Variants in GLRA3 observed in about 807,000 individuals in gnomAD.
GLRA3 encodes the protein glycine receptor alpha 3.
Under a neutral mutation model 60.4 loss-of-function variants are expected in GLRA3, and 44 were observed. The ratio of observed to expected loss-of-function variants is 0.73; its 90% CI spans 0.57 to 0.94. The LOEUF (loss-of-function observed/expected upper bound fraction) is 0.94. GLRA3 is among the 40% of genes least tolerant of loss of function. The pLI is 0.00. For synonymous variants in GLRA3, 223 were observed against 192.9 expected, an observed-to-expected ratio of 1.16 and a Z score of -1.29; for missense variants, 508 against 564.6, an observed-to-expected ratio of 0.90 and a Z score of 1.02.
At chr4:174,824,793 T>C (rs1353556795) in intron 1 of GLRA3, among the ~76,000 whole-genome samples, 2 of 152,180 alleles carry the variant, frequency 1.3e-5, no homozygotes, top group African/African-American at 4.8e-5. Context: ...ATCTGTACTT[T>C]TTTCTTTTGA....
intron 1 of GLRA3, among the ~76,000 whole-genome samples, chr4:174,817,707 A>T (rs2111387899): frequency 6.6e-6 from 1 of 152,248 alleles, no homozygotes; most frequent in African/African-American, 2.4e-5. Flanking sequence ...TCCTGGTTCA[A>T]GCAATTCTCC....
intron 5 of GLRA3, among the ~76,000 whole-genome samples, chr4:174,694,796 T>C (rs1311685549): frequency 6.6e-6 from 1 of 151,956 alleles, no homozygotes; most frequent in Admixed American, 6.6e-5. Flanking sequence ...GAGTTGTTTT[T>C]TTGAAAACAT....
intron 1 of GLRA3, among the ~76,000 whole-genome samples, chr4:174,809,503 C>T (rs1740178731): frequency 6.6e-6 from 1 of 152,136 alleles, no homozygotes; most frequent in African/African-American, 2.4e-5. Flanking sequence ...GAAGCCAAAG[C>T]AGGTGGATCA....
At chr4:174,733,458 G>C (rs992963012) in intron 3 of GLRA3, among the ~76,000 whole-genome samples, 2 of 152,104 alleles carry the variant, frequency 1.3e-5, no homozygotes, top group Non-Finnish European at 2.9e-5. Context: ...AAATTTCAAA[G>C]ATAGCAAAGG....
Position 174,642,598 on chromosome 4 carries a change from A to G in GLRA3, c.*1188T>C, listed in dbSNP as rs1271443610. The G allele has an allele frequency of 1.1e-6, 1 of 948,520 alleles. No individual in the cohort carries two copies. Among genetic ancestry groups the G allele is most frequent in the Non-Finnish European group, 1.3e-6 (1 of 796,462 alleles). The allele number at this position is 948,520 out of a possible 1,614,324, so 58.8% of individuals were successfully genotyped here. A position where few individuals can be genotyped will look rare whatever the true frequency, so the allele number is the denominator to read the frequency against. On this transcript the variant is annotated 3_prime_UTR_variant, in exon 10 of 10. Transcript: ENST00000274093. ...AGTAATCCCATGGGGTCATTGAAAA[A>G]TTTTATGTAAAAATTTCATTTAAAA... is the stretch of plus-strand genomic sequence containing the variant.
intron 5 of GLRA3, among the ~76,000 whole-genome samples, chr4:174,699,119 A>T (rs1187761896): frequency 6.6e-6 from 1 of 151,196 alleles, no homozygotes; most frequent in African/African-American, 2.4e-5. Context: ...TGTCTCGGCC[A>T]CCTGAGCAAC....
At chr4:174,810,883 C>T (rs1167623269) in intron 1 of GLRA3, among the ~76,000 whole-genome samples, 1 of 152,108 alleles carries the variant, frequency 6.6e-6, no homozygotes, top group Non-Finnish European at 1.5e-5. Context: ...CGTGAAATAG[C>T]AGTTGATTTC....
chr4:174,748,394 C>G (rs1236994717), intron 3 of GLRA3, among the ~76,000 whole-genome samples: 1 of 152,084 alleles, frequency 6.6e-6, no homozygotes, highest in Non-Finnish European at 1.5e-5. Context: ...CAGGTACAAC[C>G]ATTTAAAGTA....
chr4:174,682,988 AG>A (rs1734414498), intron 5 of GLRA3, 49 bp from the exon 6 acceptor site: 1 of 1,489,424 alleles, frequency 6.7e-7, no homozygotes, highest in Non-Finnish European at 9.3e-7. Context: ...GGGCATTCAA[AG>A]AAAAGAAATG....
intron 1 of GLRA3, among the ~76,000 whole-genome samples, chr4:174,815,955 A>T (rs183967152): frequency 6.6e-6 from 1 of 152,254 alleles, no homozygotes; most frequent in Non-Finnish European, 1.5e-5. Flanking sequence ...TTTCCGTGGC[A>T]TCATCAGGCT....
chr4:174,739,897 C>T (rs1187515570), intron 3 of GLRA3, among the ~76,000 whole-genome samples: 2 of 152,082 alleles, frequency 1.3e-5, no homozygotes, highest in Non-Finnish European at 2.9e-5. Flanking sequence ...TTCCCAGGCT[C>T]CAGAATTGCT....
At chr4:174,810,500 A>C (rs1740219449) in intron 1 of GLRA3, among the ~76,000 whole-genome samples, 1 of 151,890 alleles carries the variant, frequency 6.6e-6, no homozygotes, top group Non-Finnish European at 1.5e-5. Flanking sequence ...AAATATATAA[A>C]ATATAATCTG....
intron 5 of GLRA3, among the ~76,000 whole-genome samples, chr4:174,691,817 A>G (rs1278156076): frequency 2.6e-5 from 4 of 151,680 alleles, no homozygotes; most frequent in Admixed American, 6.6e-5. Flanking sequence ...CCGCCACCCC[A>G]TCTGGGAAGT....
In GLRA3 at chr4:174,677,269, G is replaced by A. The variant is rs201620617; in HGVS notation, c.736C>T (p.Arg246Ter). ...NTGKFTCIEV[R>*]FHLERQMGYY... Reference sequence around the variant, plus strand: ...CCCATTTGTCGCTCCAGATGGAATCGCACTTCTATACACGTAAACTTTCCT... The same window carrying A: ...CCCATTTGTCGCTCCAGATGGAATCACACTTCTATACACGTAAACTTTCCT... The change falls in exon 7 of 10, where the codon CGA (arginine) becomes TGA (stop). Residue 246 changes from arginine to a stop codon, truncating the protein, a stop_gained. Coordinates refer to ENST00000274093, the MANE Select transcript of GLRA3 (RefSeq NM_006529.4). LOFTEE classifies it high-confidence loss of function. 35 of 1,607,542 alleles carry A rather than the reference G, an allele frequency of 2.2e-5. No individual in the cohort carries two copies. The highest frequency in any genetic ancestry group is 3.3e-5 in the Admixed American group (2 of 59,960).
At chr4:174,689,970 G>A (rs997868652) in intron 5 of GLRA3, among the ~76,000 whole-genome samples, 2 of 151,870 alleles carry the variant, frequency 1.3e-5, no homozygotes, top group Non-Finnish European at 2.9e-5. Context: ...TGGATGACTA[G>A]ATAAAGAAAA....
intron 1 of GLRA3, among the ~76,000 whole-genome samples, chr4:174,805,005 C>T (rs114222328): frequency 2.1e-3 from 325 of 152,272 alleles, no homozygotes; most frequent in Admixed American, 3.5e-3. Flanking sequence ...TTGAACATAC[C>T]TGGCTTCCAG....
In GLRA3 at chr4:174,728,641, T is replaced by G. The variant is rs1163138234; in HGVS notation, c.325A>C (p.Ser109Arg). Residue 109 changes from serine (S) to arginine (R), a missense_variant, in exon 4 of 10, where the codon AGT becomes CGT. Coordinates refer to ENST00000274093, the MANE Select transcript of GLRA3 (RefSeq NM_006529.4). ...TCTAAAGAGTCGTCAGGATATTCAC[T>G]GTACGCGAGGCGGGGATCATTCCAT... ...QKWNDPRLAY[S>R]EYPDDSLDLD... 1.9e-6 allele frequency: 3 copies of G among 1,612,076 alleles called. No individual in the cohort carries two copies. Among genetic ancestry groups the G allele is most frequent in the Admixed American group, 3.3e-5 (2 of 59,992 alleles).
At chr4:174,800,881 C>A (rs538676254) in intron 1 of GLRA3, among the ~76,000 whole-genome samples, 1 of 151,754 alleles carries the variant, frequency 6.6e-6, no homozygotes, top group Non-Finnish European at 1.5e-5. Flanking sequence ...AAAAAACTGA[C>A]AATGGCTGGC....
chr4:174,713,074 T>C (rs746850062), intron 5 of GLRA3, among the ~76,000 whole-genome samples: 34 of 152,132 alleles, frequency 2.2e-4, no homozygotes, highest in Non-Finnish European at 4.1e-4. Context: ...CAGAAGCTTC[T>C]ACTTTGACTG....
Sources: gnomAD v4.1 joint callset for allele counts (sites outside exome capture counted in the v4.1 genomes callset) on GRCh38, gnomAD v4.1.1 for gene constraint, MANE v1.5 for transcripts, NCBI Gene and HGNC (gene_info 2026-07-23, HGNC 2026-07-21) for gene names.